The following EIF4ENIF1 variants were observed in gnomAD, a reference collection of about 807,000 sequenced individuals.
The protein encoded by EIF4ENIF1 is eukaryotic translation initiation factor 4E nuclear import factor 1.
In EIF4ENIF1, 23 loss-of-function variants were observed where a neutral mutation model predicts 110.5. The ratio of observed to expected loss-of-function variants is 0.21; its 90% CI spans 0.15 to 0.29. The LOEUF (loss-of-function observed/expected upper bound fraction) is 0.29. Ranked by LOEUF, EIF4ENIF1 falls within the 10% of genes least tolerant of loss-of-function variation. The pLI is 1.00. For missense variants in EIF4ENIF1, 1,031 were observed against 1,221.1 expected (o/e 0.84, Z 2.32); for synonymous variants, 440 against 437.0 (o/e 1.01, Z -0.09).
chr22:31,470,164 CAAA>C (rs61046632), intron 3 of EIF4ENIF1, among the ~76,000 whole-genome samples: 5 of 98,420 alleles, frequency 5.1e-5, no homozygotes, highest in African/African-American at 7.8e-5. Flanking sequence ...AACTCCACCT[CAAA>C]AAAAAAAAAA....
chr22:31,441,083 T>C (rs1328100466), intron 17 of EIF4ENIF1, among the ~76,000 whole-genome samples: 3 of 152,036 alleles, frequency 2.0e-5, no homozygotes, highest in Admixed American at 6.6e-5. Context: ...GGTGAAACCC[T>C]GTCTCTACTA....
chr22:31,477,705 T>A (rs1186730480), intron 2 of EIF4ENIF1, among the ~76,000 whole-genome samples: 2 of 152,218 alleles, frequency 1.3e-5, no homozygotes, highest in Non-Finnish European at 2.9e-5. Flanking sequence ...CAGGGCGCAC[T>A]TTTGACCAAA....
chr22:31,492,144 G>C (rs969517326), upstream of EIF4ENIF1, among the ~76,000 whole-genome samples: 2 of 152,142 alleles, frequency 1.3e-5, no homozygotes, highest in African/African-American at 4.8e-5. Context: ...CTGTGTCTGA[G>C]CTTCCTTGAA....
chr22:31,440,965 A>G, intron 17 of EIF4ENIF1, 97 bp from the exon 18 acceptor site: 1 of 1,501,724 alleles, frequency 6.7e-7, no homozygotes, highest in Non-Finnish European at 9.1e-7. Flanking sequence ...AAGTTTGTTA[A>G]GAATGAAGGG....
At chr22:31,438,067 T>TAACA (rs1330339495), downstream of EIF4ENIF1, among the ~76,000 whole-genome samples, 1 of 152,150 alleles carries the variant, frequency 6.6e-6, no homozygotes, top group Non-Finnish European at 1.5e-5. Context: ...CATTATTCCC[T>TAACA]AACAAACGGT....
chr22:31,445,342 C>T (rs987471600), intron 14 of EIF4ENIF1, among the ~76,000 whole-genome samples: 13 of 152,124 alleles, frequency 8.5e-5, no homozygotes, highest in Non-Finnish European at 1.8e-4. Flanking sequence ...TCTTGGTCTA[C>T]ACAAGATTGA....
upstream of EIF4ENIF1, among the ~76,000 whole-genome samples, chr22:31,491,341 T>C (rs2052274576): frequency 6.6e-6 from 1 of 152,210 alleles, no homozygotes; most frequent in African/African-American, 2.4e-5. Flanking sequence ...TTCCTAAAGC[T>C]GTGGGAAACA....
chr22:31,450,510 G>A (rs949691791), intron 10 of EIF4ENIF1, 150 bp from the exon 11 acceptor site: 32 of 551,818 alleles, frequency 5.8e-5, no homozygotes, highest in African/African-American at 4.2e-4. Flanking sequence ...AACGTGTTCC[G>A]CTCTCATCAC....
chr22:31,479,098 T>C (rs1326163337), intron 2 of EIF4ENIF1, among the ~76,000 whole-genome samples: 3 of 151,962 alleles, frequency 2.0e-5, no homozygotes, highest in African/African-American at 7.3e-5. Flanking sequence ...TTTTTTTTTT[T>C]TGGAGATGGA....
chr22:31,485,360 CAT>C (rs954790976), intron 2 of EIF4ENIF1, among the ~76,000 whole-genome samples: 1 of 152,090 alleles, frequency 6.6e-6, no homozygotes, highest in Non-Finnish European at 1.5e-5. Context: ...TGCAAAGAAA[CAT>C]AAGTCCTACC....
intron 3 of EIF4ENIF1, among the ~76,000 whole-genome samples, chr22:31,470,273 TTTG>T (rs1457053009): frequency 2.6e-5 from 4 of 152,062 alleles, no homozygotes; most frequent in East Asian, 1.9e-4. Flanking sequence ...TCCAGGTTTT[TTTG>T]TTGTTGTTGT....
downstream of EIF4ENIF1, among the ~76,000 whole-genome samples, chr22:31,438,314 ATCTT>A (rs1426317915): frequency 3.9e-5 from 6 of 152,338 alleles, no homozygotes; most frequent in South Asian, 4.1e-4. Flanking sequence ...ATTCTGTAGA[ATCTT>A]TATCCGTAAG....
intron 17 of EIF4ENIF1, 49 bp downstream of exon 17, chr22:31,441,725 T>G: frequency 6.8e-7 from 1 of 1,468,020 alleles, no homozygotes. Flanking sequence ...CCAACAATTG[T>G]CCCCTAGGCC....
intron 4 of EIF4ENIF1, among the ~76,000 whole-genome samples, chr22:31,466,173 G>A (rs1399585756): frequency 3.3e-5 from 5 of 152,220 alleles, no homozygotes; most frequent in Non-Finnish European, 7.3e-5. Flanking sequence ...AGCACTTTGG[G>A]AGGCTGAGGT....
intron 10 of EIF4ENIF1, among the ~76,000 whole-genome samples, chr22:31,451,864 C>G (rs17821102): frequency 0.072 from 10,928 of 152,154 alleles, 677 homozygotes; most frequent in East Asian, 0.33. Context: ...CCATTTAGCT[C>G]TGTGTGAAGT....
rs564656685 is a variant in EIF4ENIF1 at position 31,448,217 on chromosome 22, G to A, written c.1784C>T (p.Pro595Leu). The A allele has an allele frequency of 3.7e-6, 6 of 1,614,152 alleles. 1 individual carries two copies. In the South Asian group the frequency reaches 6.6e-5, roughly 18 times the overall value. The change falls in exon 13 of 19, where the codon CCA (proline) becomes CTA (leucine). Residue 595 changes from proline (P) to leucine (L), a missense_variant. Pro to Leu is a moderately conservative substitution (Grantham distance 98). Coordinates refer to ENST00000330125, the MANE Select transcript of EIF4ENIF1 (RefSeq NM_019843.4). ...IPSPIGFTPG[P>L]QQLLGDPFQG... ...GAATGGATCTCCGAGTAGCTGCTGT[G>A]GTCCTGGTGTGAAACCTGTCGGGAA...
At chr22:31,448,735 T>G (rs964025586) in intron 12 of EIF4ENIF1, among the ~76,000 whole-genome samples, 5 of 152,240 alleles carry the variant, frequency 3.3e-5, no homozygotes, top group Non-Finnish European at 7.3e-5. Flanking sequence ...AACTTTTCTT[T>G]CAGTCACATT....
intron 17 of EIF4ENIF1, 28 bp downstream of exon 17, chr22:31,441,743 TGAC>T: frequency 6.4e-7 from 1 of 1,570,474 alleles, no homozygotes; most frequent in Non-Finnish European, 8.7e-7. Context: ...GCCCACAAAC[TGAC>T]GACACCCAAG....
chr22:31,444,109 T>C lies in EIF4ENIF1; in HGVS notation c.2073+497A>G, dbSNP rs115439872. ...CACCACGCCCAGCTGGAATGAAACA[T>C]TTTTTAAAGTAATGATAGTTATAAA... On this transcript the variant is annotated intron_variant, in intron 15 of 18. Coordinates refer to ENST00000330125, the MANE Select transcript of EIF4ENIF1 (RefSeq NM_019843.4). Among the ~76,000 whole-genome samples the C allele has an allele frequency of 8.5e-3, 1,291 of 152,300 alleles. 21 individuals are homozygous for C. The highest frequency in any genetic ancestry group is 0.03 in the African/African-American group (1,244 of 41,566).
Sources: gnomAD v4.1 joint callset for allele counts (sites outside exome capture counted in the v4.1 genomes callset) on GRCh38, gnomAD v4.1.1 for gene constraint, MANE v1.5 for transcripts, NCBI Gene and HGNC (gene_info 2026-07-23, HGNC 2026-07-21) for gene names.